SIPA1L2: variants seen among roughly 807,000 people sequenced by gnomAD.
The protein encoded by SIPA1L2 is signal induced proliferation associated 1 like 2.
A neutral mutation model predicts 163.9 loss-of-function variants in SIPA1L2; 56 were observed. That is an observed-to-expected ratio of 0.34 (90% CI 0.28 to 0.43). SIPA1L2 has a LOEUF of 0.43. SIPA1L2 is among the 20% of genes least tolerant of loss of function. SIPA1L2 has a pLI of 1.00. For missense variants in SIPA1L2, 1,974 were observed against 2,193.5 expected (o/e 0.90, Z 2.00); for synonymous variants, 877 against 865.7 (o/e 1.01, Z -0.23).
chr1:232,531,141 TAAG>T (rs1368094842), intron 2 of SIPA1L2, among the ~76,000 whole-genome samples: 2 of 152,196 alleles, frequency 1.3e-5, no homozygotes, highest in Non-Finnish European at 2.9e-5. Context: ...ACTTATATGA[TAAG>T]AATTATTATT....
At chr1:232,411,512 T>C (rs1245399702) in intron 19 of SIPA1L2, among the ~76,000 whole-genome samples, 3 of 152,226 alleles carry the variant, frequency 2.0e-5, no homozygotes, top group Non-Finnish European at 4.4e-5. Flanking sequence ...AAATTTGCTA[T>C]TGGTTTATCA....
chr1:232,500,286 TC>T (rs1666398147), intron 3 of SIPA1L2, among the ~76,000 whole-genome samples: 1 of 152,264 alleles, frequency 6.6e-6, no homozygotes, highest in Non-Finnish European at 1.5e-5. Context: ...AGCCCATGAA[TC>T]AGAGTATTTC....
At chr1:232,628,362 TAAGA>T (rs1469997291) in intron 1 of SIPA1L2, among the ~76,000 whole-genome samples, 1 of 152,212 alleles carries the variant, frequency 6.6e-6, no homozygotes, top group African/African-American at 2.4e-5. Context: ...ACCCAAAACT[TAAGA>T]AAGACTGCAT....
At position 232,439,419 on chromosome 1, in the gene SIPA1L2, C is replaced by T. The variant is rs1330092113; in HGVS notation, c.3720G>A (p.Lys1240=). ...CCATCAGGTCGCCAGACCCAAAGTG[C>T]TTGTCGTCACTGTTGCTGGAGGTGT... ...SSNTSSNSDD[K]HFGSGDLMDP... The change falls in exon 15 of 23, where the codon AAG becomes AAA. Residue 1240 remains lysine (K), a synonymous_variant. Coordinates refer to ENST00000674635, the MANE Select transcript of SIPA1L2 (RefSeq NM_020808.5). The T allele has an allele frequency of 1.2e-6, 2 of 1,614,088 alleles. No homozygotes were observed. Among genetic ancestry groups the T allele is most frequent in the African/African-American group, 1.3e-5 (1 of 74,926 alleles).
intron 2 of SIPA1L2, among the ~76,000 whole-genome samples, chr1:232,522,201 C>T (rs1667487463): frequency 6.6e-6 from 1 of 152,136 alleles, no homozygotes; most frequent in Admixed American, 6.5e-5. Context: ...TCAACAGTTC[C>T]TTATTTCCCT....
chr1:232,577,137 T>C (rs868592717), intron 1 of SIPA1L2, among the ~76,000 whole-genome samples: 3 of 152,360 alleles, frequency 2.0e-5, no homozygotes, highest in South Asian at 2.1e-4. Context: ...GACTTTAAGT[T>C]GAAACTCATG....
chr1:232,575,152 C>A (rs1660011557), intron 1 of SIPA1L2, among the ~76,000 whole-genome samples: 1 of 152,188 alleles, frequency 6.6e-6, no homozygotes, highest in African/African-American at 2.4e-5. Context: ...CAAAACGCAA[C>A]AATGTGGAGT....
intron 2 of SIPA1L2, among the ~76,000 whole-genome samples, chr1:232,558,520 T>C (rs376236597): frequency 6.6e-6 from 1 of 152,224 alleles, no homozygotes; most frequent in African/African-American, 2.4e-5. Context: ...GTTCCCATGG[T>C]GAGCATATTT....
At chr1:232,580,094 AAATAAGGG>A (rs1460519302) in intron 1 of SIPA1L2, among the ~76,000 whole-genome samples, 1 of 152,206 alleles carries the variant, frequency 6.6e-6, no homozygotes, top group Non-Finnish European at 1.5e-5. Context: ...ATTACATGCT[AAATAAGGG>A]GTAGATTATT....
chr1:232,482,809 C>T (rs1665430831), intron 6 of SIPA1L2, among the ~76,000 whole-genome samples: 1 of 152,172 alleles, frequency 6.6e-6, no homozygotes, highest in African/African-American at 2.4e-5. Context: ...CATCAGGCCA[C>T]CTCAGTTCCA....
intron 19 of SIPA1L2, 112 bp from the exon 20 acceptor site, chr1:232,404,290 A>T: frequency 2.4e-6 from 2 of 845,740 alleles, no homozygotes. Context: ...GTGATGGACC[A>T]GGGGAAACCC....
intron 10 of SIPA1L2, among the ~76,000 whole-genome samples, chr1:232,448,241 A>G (rs1663331793): frequency 6.6e-6 from 1 of 152,200 alleles, no homozygotes; most frequent in Non-Finnish European, 1.5e-5. Flanking sequence ...TCAGCCTGCG[A>G]AGCTAATTGG....
intron 9 of SIPA1L2, chr1:232,462,272 G>C (rs1244735511): frequency 6.4e-7 from 1 of 1,550,606 alleles, no homozygotes; most frequent in South Asian, 1.2e-5. Flanking sequence ...ACCTATCTGT[G>C]GGAATTTCAA....
In SIPA1L2 at chr1:232,457,775, T is replaced by C. The variant is rs141761247; in HGVS notation, c.3095+3112A>G. The stretch of plus-strand genomic sequence containing the variant: ...ATCTAATAATGCAGAAGGCTAAACA[T>C]GCTGAGCGCGAGGGTGAAACTGAAA... On this transcript the variant is annotated intron_variant, in intron 10 of 22. Transcript: ENST00000674635. Among the ~76,000 whole-genome samples, 6 of 152,308 alleles carry C rather than the reference T, an allele frequency of 3.9e-5. No homozygotes were observed. The East Asian group carries it at 9.6e-4, about 24-fold the overall frequency.
chr1:232,596,171 G>A (rs1034145917), intron 1 of SIPA1L2, among the ~76,000 whole-genome samples: 1 of 152,090 alleles, frequency 6.6e-6, no homozygotes, highest in African/African-American at 2.4e-5. Context: ...AAAGTCAAAG[G>A]GCTAGTCTTG....
At chr1:232,560,501 T>G (rs1189771108) in intron 2 of SIPA1L2, among the ~76,000 whole-genome samples, 1 of 152,236 alleles carries the variant, frequency 6.6e-6, no homozygotes, top group Non-Finnish European at 1.5e-5. Context: ...TAATAAGGCA[T>G]AATTCCTTAG....
At chr1:232,541,143 G>A (rs534374758) in intron 2 of SIPA1L2, among the ~76,000 whole-genome samples, 4 of 152,192 alleles carry the variant, frequency 2.6e-5, no homozygotes, top group African/African-American at 7.2e-5. Flanking sequence ...AATGCACACC[G>A]GGCTTAAAAC....
intron 2 of SIPA1L2, among the ~76,000 whole-genome samples, chr1:232,561,125 G>C (rs889629696): frequency 2.0e-5 from 3 of 152,138 alleles, no homozygotes; most frequent in Non-Finnish European, 4.4e-5. Flanking sequence ...CAATCTCCAC[G>C]TCAACTGATA....
At chr1:232,533,094 T>C (rs775541721) in intron 2 of SIPA1L2, among the ~76,000 whole-genome samples, 32 of 152,200 alleles carry the variant, frequency 2.1e-4, no homozygotes, top group African/African-American at 4.8e-4. Context: ...GCCAGGTCAG[T>C]TGCTGGAGAA....
Sources: gnomAD v4.1 joint callset for allele counts (sites outside exome capture counted in the v4.1 genomes callset) on GRCh38, gnomAD v4.1.1 for gene constraint, MANE v1.5 for transcripts, NCBI Gene and HGNC (gene_info 2026-07-23, HGNC 2026-07-21) for gene names.